Variants in SLC9A9 observed in about 807,000 individuals in gnomAD.
The protein encoded by SLC9A9 is solute carrier family 9 member A9, also known as sodium/hydrogen exchanger 9.
In SLC9A9, 62 loss-of-function variants were observed where a neutral mutation model predicts 77.8. The ratio of observed to expected loss-of-function variants is 0.80; its 90% CI spans 0.65 to 0.98. The LOEUF is 0.98. Ranked by LOEUF, SLC9A9 falls within the 50% of genes least tolerant of loss-of-function variation. The pLI is 0.00. For missense variants in SLC9A9, 775 were observed against 774.9 expected, an observed-to-expected ratio of 1.00 and a Z score of 0.00; for synonymous variants, 320 against 283.5, an observed-to-expected ratio of 1.13 and a Z score of -1.29.
At chr3:143,767,781 C>A (rs2108837636) in intron 4 of SLC9A9, among the ~76,000 whole-genome samples, 1 of 152,198 alleles carries the variant, frequency 6.6e-6, no homozygotes, top group East Asian at 1.9e-4. Flanking sequence ...AATTTCCAAC[C>A]ATCTTTATCA....
intron 12 of SLC9A9, among the ~76,000 whole-genome samples, chr3:143,458,343 A>G (rs970004825): frequency 2.0e-5 from 3 of 152,098 alleles, no homozygotes; most frequent in African/African-American, 7.2e-5. Context: ...TGTTTCTTAT[A>G]GACAGCATAT....
chr3:143,581,112 G>A (rs2037444783), intron 6 of SLC9A9, among the ~76,000 whole-genome samples: 1 of 152,208 alleles, frequency 6.6e-6, no homozygotes, highest in Admixed American at 6.5e-5. Flanking sequence ...GTACAAAGGG[G>A]AAAAGGGGTA....
chr3:143,536,562 G>T (rs1476813843), intron 9 of SLC9A9, among the ~76,000 whole-genome samples: 3 of 152,144 alleles, frequency 2.0e-5, no homozygotes, highest in Non-Finnish European at 2.9e-5. Flanking sequence ...ATCTTAAAGT[G>T]AAACCTCCAT....
At chr3:143,627,534 C>T in intron 6 of SLC9A9, 1 of 297,716 alleles carries the variant, frequency 3.4e-6, no homozygotes, top group Non-Finnish European at 6.5e-6. Flanking sequence ...GAGGCGGTGA[C>T]TCGCAGCAGA....
At chr3:143,300,000 C>A (rs1358569157) in intron 14 of SLC9A9, among the ~76,000 whole-genome samples, 1 of 152,212 alleles carries the variant, frequency 6.6e-6, no homozygotes, top group East Asian at 1.9e-4. Context: ...GATCGCTAAT[C>A]TTTTCTCTAT....
At chr3:143,629,303 A>G (rs1277373906) in intron 6 of SLC9A9, among the ~76,000 whole-genome samples, 1 of 152,210 alleles carries the variant, frequency 6.6e-6, no homozygotes, top group Non-Finnish European at 1.5e-5. Context: ...AACTGTGCTG[A>G]ACGAAGGTAT....
Position 143,618,080 on chromosome 3 carries a change from T to C in SLC9A9, c.755+34175A>G, listed in dbSNP as rs2038136855. Among the ~76,000 whole-genome samples, 5 of 152,270 alleles carry C rather than the reference T, an allele frequency of 3.3e-5. No individual in the cohort carries two copies. In the South Asian group the frequency reaches 1.0e-3, roughly 32 times the overall value. On this transcript the variant is annotated intron_variant, in intron 6 of 15. Coordinates refer to ENST00000316549, the MANE Select transcript of SLC9A9 (RefSeq NM_173653.4). ...AAGAGAAAATGGATCCTAGGAATATTTGCATGACAGCCAAGAACACAGCTG... is the reference window on the plus strand; with the variant it reads ...AAGAGAAAATGGATCCTAGGAATATCTGCATGACAGCCAAGAACACAGCTG...
chr3:143,710,319 C>T (rs1275012482), intron 4 of SLC9A9, among the ~76,000 whole-genome samples: 4 of 152,186 alleles, frequency 2.6e-5, no homozygotes, highest in East Asian at 1.9e-4. Flanking sequence ...TGCACGCACA[C>T]GCAGCTATCA....
In SLC9A9 at chr3:143,493,694, T is replaced by C; in HGVS notation, c.1274A>G (p.Gln425Arg). The C allele has an allele frequency of 6.2e-7, 1 of 1,614,150 alleles. No individual in the cohort carries two copies. The highest frequency in any genetic ancestry group is 8.5e-7 in the Non-Finnish European group (1 of 1,179,974). ...LSFLLNLGRK[Q>R]KIPWNFQHMM... ...GTGCTGAAAGTTCCAGGGGATCTTC[T>C]GTTTTCGGCCTAGATTCAGGAGGAA... The change falls in exon 11 of 16, where the codon CAG (glutamine) becomes CGG (arginine). Residue 425 changes from glutamine (Q) to arginine (R), a missense_variant. Physicochemically the swap from Gln to Arg is conservative, Grantham distance 43. Transcript: ENST00000316549.
chr3:143,602,822 A>G (rs1031979681), intron 6 of SLC9A9, among the ~76,000 whole-genome samples: 2 of 152,154 alleles, frequency 1.3e-5, no homozygotes, highest in African/African-American at 2.4e-5. Flanking sequence ...TTCAGTTTCA[A>G]CTCTGTCCCT....
At chr3:143,829,608 T>C (rs1445468898) in intron 2 of SLC9A9, among the ~76,000 whole-genome samples, 1 of 152,254 alleles carries the variant, frequency 6.6e-6, no homozygotes, top group African/African-American at 2.4e-5. Context: ...GTATCCATTA[T>C]ACGTTGGTCT....
At chr3:143,611,865 C>A (rs1163930638) in intron 6 of SLC9A9, among the ~76,000 whole-genome samples, 1 of 152,076 alleles carries the variant, frequency 6.6e-6, no homozygotes, top group Non-Finnish European at 1.5e-5. Context: ...TCCTGAATAG[C>A]TAGGACTACA....
chr3:143,347,120 G>A (rs1337660369), intron 14 of SLC9A9: 1 of 152,044 alleles, frequency 6.6e-6, no homozygotes, highest in Non-Finnish European at 1.5e-5. Flanking sequence ...TGAAGCAGTG[G>A]CTACAACTCC....
At chr3:143,721,917 T>A (rs1458075520) in intron 4 of SLC9A9, among the ~76,000 whole-genome samples, 2 of 152,214 alleles carry the variant, frequency 1.3e-5, no homozygotes, top group Admixed American at 6.5e-5. Context: ...GTTATTTTTT[T>A]AAACAGAAGG....
At chr3:143,423,054 T>G (rs966614634) in intron 12 of SLC9A9, among the ~76,000 whole-genome samples, 4 of 152,150 alleles carry the variant, frequency 2.6e-5, no homozygotes, top group South Asian at 2.1e-4. Context: ...CACAGGCTAT[T>G]AGGTTTTTCA....
At chr3:143,309,778 C>T (rs140555824) in intron 14 of SLC9A9, among the ~76,000 whole-genome samples, 38 of 152,254 alleles carry the variant, frequency 2.5e-4, no homozygotes, top group Admixed American at 7.8e-4. Flanking sequence ...GTCTGGTCCA[C>T]GTGAATTCCC....
chr3:143,624,568 CCT>C (rs1285403227), intron 6 of SLC9A9, among the ~76,000 whole-genome samples: 3 of 152,086 alleles, frequency 2.0e-5, no homozygotes, highest in African/African-American at 7.2e-5. Flanking sequence ...TTCAACAGCC[CCT>C]CATGCTAAAA....
At position 143,832,011 on chromosome 3, in the gene SLC9A9, A is replaced by T. The variant is rs1371567855; in HGVS notation, c.378+8T>A. 1.2e-6 allele frequency: 2 copies of T among 1,607,986 alleles called. No individual in the cohort carries two copies. The highest frequency in any genetic ancestry group is 1.7e-5 in the Admixed American group (1 of 59,830). On this transcript the variant is annotated splice_region_variant and intron_variant, in intron 2 of 15. Transcript: ENST00000316549. The stretch of plus-strand genomic sequence containing the variant: ...AAACAAATATATAATACCAGACAGG[A>T]TCCTTACCTTTTCAAGTATAGCATT...
chr3:143,747,404 C>CA (rs1003997379), intron 4 of SLC9A9, among the ~76,000 whole-genome samples: 6,568 of 50,894 alleles, frequency 0.13, 580 homozygotes, highest in African/African-American at 0.3. Flanking sequence ...AACTCCATCT[C>CA]AAAAAAAAAA....
Sources: allele counts gnomAD v4.1 joint callset (sites outside exome capture counted in the v4.1 genomes callset), GRCh38; gene constraint gnomAD v4.1.1; transcripts MANE v1.5; gene names NCBI Gene and HGNC (gene_info 2026-07-23, HGNC 2026-07-21).